CCDC171: variants seen among roughly 807,000 people sequenced by gnomAD.
CCDC171 encodes the protein coiled-coil domain containing 171.
CCDC171 carries 177 observed loss-of-function variants against 168.2 expected under a neutral mutation model. The ratio of observed to expected loss-of-function variants is 1.05; its 90% CI spans 0.93 to 1.19. CCDC171 has a LOEUF of 1.19. CCDC171 is among the 50% of genes most tolerant of loss of function. The probability of loss-of-function intolerance (pLI) is 0.00; values close to 1 mark genes in which losing one functional copy is unlikely to be tolerated. For missense variants in CCDC171, 1,991 were observed against 1,539.0 expected, an observed-to-expected ratio of 1.29 and a Z score of -4.91; for synonymous variants, 687 against 540.8, an observed-to-expected ratio of 1.27 and a Z score of -3.75.
rs907148329 is a variant in CCDC171 at position 15,590,748 on chromosome 9, AT to A, written c.353-611del. Among the ~76,000 whole-genome samples, 6 of 136,062 alleles carry A rather than the reference AT, an allele frequency of 4.4e-5. No homozygotes were observed. The South Asian group carries it at 7.7e-4, about 17-fold the overall frequency. The allele number at this position is 136,062 out of a possible 152,430, so 89.3% of individuals were successfully genotyped here. ...CTATATATCACAGTCTTAAAAATAGATTTTTTTCTTCTTTCTTTCTTTCTCT... is the reference window on the plus strand; with the variant it reads ...CTATATATCACAGTCTTAAAAATAGATTTTTTCTTCTTTCTTTCTTTCTCT... On this transcript the variant is annotated intron_variant, in intron 4 of 25. Coordinates refer to ENST00000380701, the MANE Select transcript of CCDC171 (RefSeq NM_173550.4).
chr9:15,664,341 C>T (rs562438256), intron 8 of CCDC171, among the ~76,000 whole-genome samples: 2 of 152,098 alleles, frequency 1.3e-5, no homozygotes, highest in Non-Finnish European at 1.5e-5. Flanking sequence ...CTTGACTTCC[C>T]CAGCTCAAGT....
At chr9:15,722,781 G>A (rs906441668) in intron 12 of CCDC171, among the ~76,000 whole-genome samples, 3 of 151,878 alleles carry the variant, frequency 2.0e-5, no homozygotes, top group East Asian at 1.9e-4. Context: ...TAATACCCTC[G>A]GTAATTGTTC....
At chr9:15,839,758 C>G (rs562486371) in intron 21 of CCDC171, among the ~76,000 whole-genome samples, 1 of 152,266 alleles carries the variant, frequency 6.6e-6, no homozygotes, top group Admixed American at 6.5e-5. Context: ...ATGTGGAACA[C>G]TCCCCATAGT....
At position 15,960,422 on chromosome 9, in the gene CCDC171, G is replaced by C. The variant is rs144031207; in HGVS notation, c.3754-11187G>C. Among the ~76,000 whole-genome samples, 82 of 152,220 alleles carry C rather than the reference G, an allele frequency of 5.4e-4. 1 individual carries two copies. The East Asian group carries it at 0.015, about 28-fold the overall frequency. ...ATTTAGGATACTAAGAGGGGATATG[G>C]GTTTAGGTATCTTTATGCATTATGC... is the stretch of plus-strand genomic sequence containing the variant. On this transcript the variant is annotated intron_variant, in intron 25 of 25. Transcript: ENST00000380701.
At chr9:16,082,787 C>A in the CCDC171 span, among the ~76,000 whole-genome samples, 1 of 152,098 alleles carries the variant, frequency 6.6e-6, no homozygotes, top group Non-Finnish European at 1.5e-5. Context: ...CAGGTGGAAT[C>A]TTTTATTTAT....
At chr9:15,596,532 G>A (rs921708600) in intron 6 of CCDC171, among the ~76,000 whole-genome samples, 3 of 152,144 alleles carry the variant, frequency 2.0e-5, no homozygotes, top group African/African-American at 7.2e-5. Flanking sequence ...GTACCATGCT[G>A]TTTTGGTTAC....
intron 24 of CCDC171, among the ~76,000 whole-genome samples, chr9:15,918,184 G>A (rs1474717094): frequency 1.3e-5 from 2 of 151,550 alleles, no homozygotes; most frequent in Non-Finnish European, 3.0e-5. Flanking sequence ...ATTAAAAAAA[G>A]TATCTACTCC....
At chr9:16,038,745 A>G (rs1242376318), upstream of CCDC171, among the ~76,000 whole-genome samples, 1 of 152,044 alleles carries the variant, frequency 6.6e-6, no homozygotes, top group African/African-American at 2.4e-5. Flanking sequence ...TGTATCTGTT[A>G]AAACACAGAG....
At chr9:15,600,721 C>A (rs573816894) in intron 6 of CCDC171, among the ~76,000 whole-genome samples, 3 of 152,296 alleles carry the variant, frequency 2.0e-5, no homozygotes, top group African/African-American at 7.2e-5. Context: ...TTGGCTATGC[C>A]CTGCCCCCAG....
At chr9:15,592,639 T>C (rs2042080254) in intron 5 of CCDC171, among the ~76,000 whole-genome samples, 3 of 152,052 alleles carry the variant, frequency 2.0e-5, no homozygotes, top group African/African-American at 7.2e-5. Flanking sequence ...TCCATTAGTG[T>C]GTGAATGGGG....
At chr9:16,087,752 G>A in the CCDC171 span, among the ~76,000 whole-genome samples, 11 of 151,770 alleles carry the variant, frequency 7.2e-5, no homozygotes, top group African/African-American at 2.7e-4. Context: ...TACATTTAAG[G>A]TTAATATTGT....
At chr9:15,883,830 C>A (rs1054563224) in intron 24 of CCDC171, among the ~76,000 whole-genome samples, 4 of 152,006 alleles carry the variant, frequency 2.6e-5, no homozygotes, top group African/African-American at 9.7e-5. Flanking sequence ...ATTCATTTTT[C>A]TAGTTTTGTT....
intron 24 of CCDC171, among the ~76,000 whole-genome samples, chr9:15,919,309 C>T (rs549458253): frequency 1.3e-5 from 2 of 151,716 alleles, no homozygotes; most frequent in East Asian, 3.9e-4. Context: ...TGTCTTTGTT[C>T]ACTAAATTAT....
chr9:15,643,467 T>C (rs1297370824), intron 7 of CCDC171, among the ~76,000 whole-genome samples: 1 of 152,218 alleles, frequency 6.6e-6, no homozygotes, highest in Non-Finnish European at 1.5e-5. Flanking sequence ...AGTCAGCATT[T>C]AGAAATAACT....
At chr9:15,952,515 A>C (rs557234693) in intron 25 of CCDC171, among the ~76,000 whole-genome samples, 1 of 152,184 alleles carries the variant, frequency 6.6e-6, no homozygotes, top group African/African-American at 2.4e-5. Context: ...CTCCTGCCTC[A>C]GCCTCCCAAG....
chr9:15,866,422 G>T (rs1189194688), intron 23 of CCDC171, among the ~76,000 whole-genome samples: 1 of 151,948 alleles, frequency 6.6e-6, no homozygotes, highest in African/African-American at 2.4e-5. Context: ...GGAAGGATGT[G>T]AAACTTATTC....
chr9:15,666,966 G>A (rs962348663), intron 9 of CCDC171, among the ~76,000 whole-genome samples: 7 of 152,114 alleles, frequency 4.6e-5, no homozygotes, highest in African/African-American at 9.7e-5. Context: ...GTCTAACACC[G>A]TATGAGGAAG....
intron 3 of CCDC171, among the ~76,000 whole-genome samples, chr9:16,012,538 A>G (rs564429329): frequency 3.1e-5 from 4 of 130,300 alleles, no homozygotes; most frequent in South Asian, 4.8e-4. Context: ...CATATTTTCT[A>G]TTGAATTTTT....
At chr9:15,803,162 C>G (rs2058909905) in intron 21 of CCDC171, among the ~76,000 whole-genome samples, 1 of 152,032 alleles carries the variant, frequency 6.6e-6, no homozygotes, top group African/African-American at 2.4e-5. Flanking sequence ...GATATTAGAC[C>G]TTTGTCAGAT....
Sources: allele counts gnomAD v4.1 joint callset (sites outside exome capture counted in the v4.1 genomes callset), GRCh38; gene constraint gnomAD v4.1.1; transcripts MANE v1.5; gene names NCBI Gene and HGNC (gene_info 2026-07-23, HGNC 2026-07-21).